Variants in AKAP10 observed in about 807,000 individuals in gnomAD.
AKAP10 encodes A-kinase anchoring protein 10.
Under a neutral mutation model 80.8 loss-of-function variants are expected in AKAP10, and 24 were observed. The ratio of observed to expected loss-of-function variants is 0.30; its 90% CI spans 0.22 to 0.42. AKAP10 has a LOEUF of 0.42. AKAP10 is among the 10% of genes least tolerant of loss of function. AKAP10 has a pLI of 1.00. For missense variants in AKAP10, 661 were observed against 794.9 expected, an observed-to-expected ratio of 0.83 and a Z score of 2.03; for synonymous variants, 291 against 277.7, an observed-to-expected ratio of 1.05 and a Z score of -0.48.
intron 10 of AKAP10, among the ~76,000 whole-genome samples, chr17:19,925,837 C>T (rs1053079398): frequency 6.6e-6 from 1 of 152,144 alleles, no homozygotes; most frequent in Non-Finnish European, 1.5e-5. Context: ...TCTATGAGGA[C>T]TGTTACTCAG....
chr17:19,911,776 G>A (rs1280226811), intron 12 of AKAP10, among the ~76,000 whole-genome samples: 1 of 142,396 alleles, frequency 7.0e-6, no homozygotes, highest in Non-Finnish European at 1.5e-5. Flanking sequence ...TGGAGGTTGT[G>A]GTGAGCCGAG....
At chr17:19,932,056 T>A in intron 9 of AKAP10, 78 bp from the exon 10 acceptor site, 1 of 1,320,416 alleles carries the variant, frequency 7.6e-7, no homozygotes, top group South Asian at 1.5e-5. Flanking sequence ...AAATTTTACC[T>A]ATAATTCTAC....
intron 4 of AKAP10, among the ~76,000 whole-genome samples, chr17:19,955,469 G>C (rs1304967110): frequency 1.3e-5 from 2 of 152,142 alleles, no homozygotes; most frequent in African/African-American, 4.8e-5. Flanking sequence ...AGGGAAAAAT[G>C]TAACTAATGC....
intron 12 of AKAP10, among the ~76,000 whole-genome samples, chr17:19,917,880 C>T (rs920363385): frequency 2.7e-5 from 4 of 149,270 alleles, no homozygotes; most frequent in African/African-American, 7.4e-5. Flanking sequence ...CCAAGCCTGG[C>T]GACAGAGCTA....
intron 4 of AKAP10, among the ~76,000 whole-genome samples, chr17:19,948,012 A>C (rs2043154097): frequency 6.6e-6 from 1 of 151,854 alleles, no homozygotes; most frequent in Admixed American, 6.6e-5. Context: ...TCAAGTATTA[A>C]TAATTATGAC....
chr17:19,905,970 A>T lies in AKAP10; in HGVS notation c.*257T>A, dbSNP rs2042628044. 4.1e-6 allele frequency: 2 copies of T among 484,546 alleles called. No homozygotes were observed. Among genetic ancestry groups the T allele is most frequent in the Non-Finnish European group, 7.5e-6 (2 of 267,642 alleles). 30.0% of individuals were successfully genotyped at this position (484,546 alleles called of 1,614,324 possible). On this transcript the variant is annotated 3_prime_UTR_variant, in exon 15 of 15. Transcript: ENST00000225737. ...ATGGGTTATTGCCATTGGAAAACTA[A>T]TAATTTTCTAGTAATGTAAACAATA...
chr17:19,938,065 T>C (rs1447687714), intron 8 of AKAP10, among the ~76,000 whole-genome samples: 1 of 149,144 alleles, frequency 6.7e-6, no homozygotes, highest in Non-Finnish European at 1.5e-5. Flanking sequence ...GCTGGGATTA[T>C]AGGCACCCGT....
At chr17:19,956,762 T>C (rs2043280843) in intron 4 of AKAP10, among the ~76,000 whole-genome samples, 1 of 152,122 alleles carries the variant, frequency 6.6e-6, no homozygotes, top group Non-Finnish European at 1.5e-5. Context: ...CCCAGCACTT[T>C]GGGAGGCCGA....
At chr17:19,909,365 G>A (rs958521405) in intron 13 of AKAP10, 89 bp from the exon 14 acceptor site, 18 of 1,138,058 alleles carry the variant, frequency 1.6e-5, no homozygotes, top group African/African-American at 8.1e-5. Flanking sequence ...AATGGCTTAC[G>A]CACATAATTT....
intron 4 of AKAP10, among the ~76,000 whole-genome samples, chr17:19,956,225 G>A (rs2043274012): frequency 6.6e-6 from 1 of 152,164 alleles, no homozygotes; most frequent in African/African-American, 2.4e-5. Flanking sequence ...CAGAAGGGTA[G>A]TGACCCAGGC....
chr17:19,919,909 AAC>A (rs2042791629), intron 12 of AKAP10, 125 bp downstream of exon 12: 3 of 711,104 alleles, frequency 4.2e-6, no homozygotes, highest in Non-Finnish European at 6.7e-6. Flanking sequence ...TCTGACTATA[AAC>A]ACAAGGTGAA....
chr17:19,925,996 ACT>A (rs1394519518), intron 10 of AKAP10, among the ~76,000 whole-genome samples: 1 of 152,054 alleles, frequency 6.6e-6, no homozygotes, highest in Non-Finnish European at 1.5e-5. Context: ...CCACAAATAC[ACT>A]CTCACATTTA....
At chr17:19,955,565 A>G (rs2043265917) in intron 4 of AKAP10, among the ~76,000 whole-genome samples, 1 of 152,244 alleles carries the variant, frequency 6.6e-6, no homozygotes, top group Non-Finnish European at 1.5e-5. Flanking sequence ...TAAATGTATT[A>G]CAATTACAGA....
rs35398779 is a variant in AKAP10 at position 19,949,781 on chromosome 17, GAA to G, written c.878-2278_878-2277del. Reference sequence around the variant, plus strand: ...GAGACTCTGTCTCAAAAAAAAAAGAGAAAAAAAAAAAAAAACGGTGTTATTAA... The same window carrying G: ...GAGACTCTGTCTCAAAAAAAAAAGAGAAAAAAAAAAAAACGGTGTTATTAA... On this transcript the variant is annotated intron_variant, in intron 4 of 14. Transcript: ENST00000225737. 5.0e-3 allele frequency among the ~76,000 whole-genome samples: 584 copies of G among 117,204 alleles called. 10 individuals carry two copies. In the East Asian group the frequency reaches 0.1, roughly 20 times the overall value. The allele number at this position is 117,204 out of a possible 152,430, so 76.9% of individuals were successfully genotyped here.
In AKAP10 at chr17:19,904,664, G is replaced by C. The variant is rs1184021099; in HGVS notation, c.*1563C>G. 1 of 152,164 alleles carries C rather than the reference G, an allele frequency of 6.6e-6. No homozygotes were observed. The highest frequency in any genetic ancestry group is 2.4e-5 in the African/African-American group (1 of 41,444). The allele number at this position is 152,164 out of a possible 1,614,324, so 9.4% of individuals were successfully genotyped here. ...AAGGCAAAGTCCAGTAGTGGCTCAT[G>C]TTCTGGGTTTTTAGAAAGCAAATGA... On this transcript the variant is annotated 3_prime_UTR_variant, in exon 15 of 15. Coordinates refer to ENST00000225737, the MANE Select transcript of AKAP10 (RefSeq NM_007202.4).
chr17:19,917,562 C>T (rs1048360264), intron 12 of AKAP10, among the ~76,000 whole-genome samples: 1 of 152,142 alleles, frequency 6.6e-6, no homozygotes, highest in Non-Finnish European at 1.5e-5. Context: ...CGCAGCCTCA[C>T]CCTCCTGGGC....
intron 14 of AKAP10, among the ~76,000 whole-genome samples, chr17:19,906,546 T>C (rs1470576672): frequency 6.6e-6 from 1 of 152,240 alleles, no homozygotes; most frequent in Non-Finnish European, 1.5e-5. Context: ...AGAGTAATTC[T>C]ACTTCTAGGA....
At chr17:19,932,344 C>G (rs1193918447) in intron 9 of AKAP10, among the ~76,000 whole-genome samples, 1 of 150,412 alleles carries the variant, frequency 6.6e-6, no homozygotes, top group Non-Finnish European at 1.5e-5. Flanking sequence ...CCCAGCTACT[C>G]GGGAGGCCTG....
chr17:19,973,152 G>C (rs531130434), intron 1 of AKAP10, among the ~76,000 whole-genome samples: 1 of 152,148 alleles, frequency 6.6e-6, no homozygotes, highest in Admixed American at 6.6e-5. Flanking sequence ...GCTATTTTTT[G>C]TATTTTTAGT....
Sources: gnomAD v4.1 joint callset for allele counts (sites outside exome capture counted in the v4.1 genomes callset) on GRCh38, gnomAD v4.1.1 for gene constraint, MANE v1.5 for transcripts, NCBI Gene and HGNC (gene_info 2026-07-23, HGNC 2026-07-21) for gene names.